ATXN7: variants seen among roughly 807,000 people sequenced by gnomAD.
ATXN7 encodes ataxin-7.
A neutral mutation model predicts 70.5 loss-of-function variants in ATXN7; 12 were observed. That is an observed-to-expected ratio of 0.17 (90% CI 0.11 to 0.28). The LOEUF is 0.28. Ranked by LOEUF, ATXN7 falls within the 10% of genes least tolerant of loss-of-function variation. The probability of loss-of-function intolerance (pLI) is 1.00; values close to 1 mark genes in which losing one functional copy is unlikely to be tolerated. For missense variants in ATXN7, 1,256 were observed against 1,131.7 expected (o/e 1.11, Z -1.58); for synonymous variants, 498 against 448.7 (o/e 1.11, Z -1.39).
chr3:63,869,597 G>A (rs1702539105), intron 1 of ATXN7, among the ~76,000 whole-genome samples: 1 of 152,024 alleles, frequency 6.6e-6, no homozygotes. Context: ...GCTCATTTTT[G>A]TATTTTTAGT....
chr3:63,942,395 T>A (rs1014713392), intron 4 of ATXN7, among the ~76,000 whole-genome samples: 5 of 152,202 alleles, frequency 3.3e-5, no homozygotes, highest in African/African-American at 1.2e-4. Flanking sequence ...ATACTTAGCA[T>A]TGTACGTGGA....
intron 4 of ATXN7, among the ~76,000 whole-genome samples, chr3:63,945,247 A>C (rs1316616060): frequency 6.6e-6 from 1 of 152,242 alleles, no homozygotes; most frequent in African/African-American, 2.4e-5. Context: ...CAGAGAGGTT[A>C]AATAATTTAA....
Position 63,990,276 on chromosome 3 carries a change from T to A in ATXN7, c.1462T>A (p.Ser488Thr). ...HPPLPATEPA[S>T]RLSSEEGEGD... Reference sequence around the variant, plus strand: ...TCCCCTGCCTGCCACTGAGCCAGCTTCTCGGTTATCCAGTGAGGAGGGCGA... The same window carrying A: ...TCCCCTGCCTGCCACTGAGCCAGCTACTCGGTTATCCAGTGAGGAGGGCGA... The change falls in exon 10 of 13, where the codon TCT (serine) becomes ACT (threonine). Residue 488 changes from serine to threonine, a missense_variant. Coordinates refer to ENST00000674280, the MANE Select transcript of ATXN7 (RefSeq NM_001377405.1). 1 of 1,614,062 alleles carries A rather than the reference T, an allele frequency of 6.2e-7. No individual in the cohort carries two copies. The highest frequency in any genetic ancestry group is 8.5e-7 in the Non-Finnish European group (1 of 1,180,018).
chr3:63,918,264 C>G (rs1003034093), intron 4 of ATXN7, among the ~76,000 whole-genome samples: 1 of 152,144 alleles, frequency 6.6e-6, no homozygotes, highest in Admixed American at 6.5e-5. Flanking sequence ...AGAGTACCAC[C>G]TTTTTTCTTT....
At chr3:63,938,825 T>G (rs1024990003) in intron 4 of ATXN7, among the ~76,000 whole-genome samples, 1 of 152,182 alleles carries the variant, frequency 6.6e-6, no homozygotes, top group African/African-American at 2.4e-5. Flanking sequence ...TATTGTAACT[T>G]CTCTTTAAAT....
At chr3:63,998,201 G>GGC (rs200142702) in intron 12 of ATXN7, 30,237 of 692,978 alleles carry the variant, frequency 0.044, 439 homozygotes, top group Non-Finnish European at 0.046. Flanking sequence ...AAGGACAGAA[G>GGC]GGGGGGGGGC....
chr3:63,994,966 G>A (rs2075732309), intron 11 of ATXN7, among the ~76,000 whole-genome samples: 1 of 152,272 alleles, frequency 6.6e-6, no homozygotes, highest in South Asian at 2.1e-4. Flanking sequence ...CCTTGTTCAG[G>A]CCAATAGTTA....
rs574520101 is a variant in ATXN7 at position 63,994,913 on chromosome 3, C to G, written c.1683-592C>G. On this transcript the variant is annotated intron_variant, in intron 11 of 12. Transcript: ENST00000674280. ...ACATTCTTAACAGAATCCATTGTTACAACACCATGCTGAATATCCCTTGAT... is the reference window on the plus strand; with the variant it reads ...ACATTCTTAACAGAATCCATTGTTAGAACACCATGCTGAATATCCCTTGAT... Among the ~76,000 whole-genome samples the G allele has an allele frequency of 4.5e-4, 69 of 151,828 alleles. No individual in the cohort carries two copies. In the South Asian group the frequency reaches 0.014, roughly 31 times the overall value.
chr3:63,939,478 A>T (rs2074719153), intron 4 of ATXN7, among the ~76,000 whole-genome samples: 1 of 152,156 alleles, frequency 6.6e-6, no homozygotes. Context: ...AAACAAACTG[A>T]TGATATTATC....
chr3:63,964,225 A>T (rs909022602), intron 5 of ATXN7, among the ~76,000 whole-genome samples: 29 of 152,294 alleles, frequency 1.9e-4, no homozygotes, highest in African/African-American at 7.0e-4. Context: ...AAAATATTTA[A>T]ACAATTATAG....
At chr3:63,989,070 C>T (rs1339919361) in intron 9 of ATXN7, among the ~76,000 whole-genome samples, 1 of 152,214 alleles carries the variant, frequency 6.6e-6, no homozygotes, top group African/African-American at 2.4e-5. Flanking sequence ...ATTTCACCCT[C>T]ACATGTCTGA....
intron 1 of ATXN7, among the ~76,000 whole-genome samples, chr3:63,876,424 C>T (rs1702751242): frequency 6.6e-6 from 1 of 152,010 alleles, no homozygotes. Context: ...AGAAAAGAGA[C>T]CATTTGTCAT....
chr3:63,995,782 T>A lies in ATXN7; in HGVS notation c.1960T>A (p.Ser654Thr). 6.2e-7 allele frequency: 1 copy of A among 1,614,206 alleles called. No homozygotes were observed. The highest frequency in any genetic ancestry group is 1.7e-5 in the Admixed American group (1 of 60,026). ...AGTGTCCTCTTCATCCTCATCCCCT[T>A]CCACGCCCTCTGGCCTTTCCTCGGT... ...RQVSSSSSSP[S>T]TPSGLSSVPS... The change falls in exon 12 of 13, where the codon TCC becomes ACC. Residue 654 changes from serine to threonine, a missense_variant. Transcript: ENST00000674280.
intron 4 of ATXN7, among the ~76,000 whole-genome samples, chr3:63,918,196 CAA>C (rs1288217375): frequency 6.6e-6 from 1 of 152,020 alleles, no homozygotes; most frequent in African/African-American, 2.4e-5. Flanking sequence ...AACAAACAAA[CAA>C]ACAAAACAGG....
chr3:63,923,419 T>G (rs1486149092), intron 4 of ATXN7, among the ~76,000 whole-genome samples: 1 of 152,114 alleles, frequency 6.6e-6, no homozygotes, highest in Non-Finnish European at 1.5e-5. Context: ...AAAAGTAGGG[T>G]AATGAGTTGG....
rs897114621 is a variant in ATXN7, at chr3:63,935,148, G to C, written c.395-17231G>C. On this transcript the variant is annotated intron_variant, in intron 4 of 12. Coordinates refer to ENST00000674280, the MANE Select transcript of ATXN7 (RefSeq NM_001377405.1). Reference sequence around the variant, plus strand: ...AATGAATGAATGAATGAATGTTGATGCTGCTGCTCTTCCACTATTGAAAGA... The same window carrying C: ...AATGAATGAATGAATGAATGTTGATCCTGCTGCTCTTCCACTATTGAAAGA... Among the ~76,000 whole-genome samples the C allele has an allele frequency of 2.6e-5, 4 of 152,026 alleles. No individual in the cohort carries two copies. The East Asian group carries it at 7.7e-4, about 29-fold the overall frequency.
At chr3:63,932,445 AG>A (rs1197564364) in intron 4 of ATXN7, among the ~76,000 whole-genome samples, 1 of 152,230 alleles carries the variant, frequency 6.6e-6, no homozygotes, top group African/African-American at 2.4e-5. Context: ...TTGTAAATTA[AG>A]GGCAAATGGG....
At position 63,982,394 on chromosome 3, in the gene ATXN7, A is replaced by G; in HGVS notation, c.961A>G (p.Lys321Glu). 1 of 1,613,528 alleles carries G rather than the reference A, an allele frequency of 6.2e-7. No homozygotes were observed. The highest frequency in any genetic ancestry group is 8.5e-7 in the Non-Finnish European group (1 of 1,179,456). Residue 321 changes from lysine to glutamate, a missense_variant, in exon 7 of 13, where the codon AAA becomes GAA. By Grantham distance (56) the Lys-to-Glu change is moderately conservative. Transcript: ENST00000674280. ...GLPAPPTLEK[K>E]PEDNSNNRKF... The stretch of plus-strand genomic sequence containing the variant: ...TCCTGCACCGCCCACTCTGGAAAAG[A>G]AACCTGAAGACAATTCCAATAATAG...
intron 5 of ATXN7, among the ~76,000 whole-genome samples, chr3:63,959,634 G>A (rs772434211): frequency 5.3e-5 from 8 of 152,048 alleles, no homozygotes; most frequent in Admixed American, 1.3e-4. Flanking sequence ...AACTTAAGTA[G>A]CATTAGATAA....
Sources: allele counts gnomAD v4.1 joint callset (sites outside exome capture counted in the v4.1 genomes callset), GRCh38; gene constraint gnomAD v4.1.1; transcripts MANE v1.5; gene names NCBI Gene and HGNC (gene_info 2026-07-23, HGNC 2026-07-21).